TARS2: variants seen among roughly 807,000 people sequenced by gnomAD.
TARS2 encodes threonyl-tRNA synthetase 2, mitochondrial.
A neutral mutation model predicts 94.4 loss-of-function variants in TARS2; 61 were observed. The observed-to-expected ratio is 0.65, with a 90% confidence interval of 0.53 to 0.80. The LOEUF (loss-of-function observed/expected upper bound fraction) is 0.80, where lower values mean the gene tolerates loss of function less well. Ranked by LOEUF, TARS2 falls within the 30% of genes least tolerant of loss-of-function variation. The pLI, the probability that TARS2 is intolerant of heterozygous loss-of-function variation, is 0.00. For synonymous variants in TARS2, 359 were observed against 353.4 expected (o/e 1.02, Z -0.18); for missense variants, 704 against 902.5 (o/e 0.78, Z 2.82).
intron 17 of TARS2, 112 bp downstream of exon 17, chr1:150,505,817 C>A: frequency 1.1e-6 from 1 of 951,840 alleles, no homozygotes. Context: ...ATTACCTGAG[C>A]AGGTAGGAGC....
At chr1:150,504,604 C>A in intron 14 of TARS2, 28 bp from the exon 15 acceptor site, 1 of 1,605,950 alleles carries the variant, frequency 6.2e-7, no homozygotes, top group East Asian at 2.2e-5. Flanking sequence ...TCCACCATTC[C>A]ATCCACCCCC....
intron 2 of TARS2, 75 bp from the exon 3 acceptor site, chr1:150,488,889 C>T: frequency 6.4e-7 from 1 of 1,554,088 alleles, no homozygotes; most frequent in Middle Eastern, 1.7e-4. Flanking sequence ...ATATAGGAAT[C>T]AGAACATGTG....
chr1:150,502,237 T>G (rs1669956406), intron 13 of TARS2, among the ~76,000 whole-genome samples: 1 of 150,844 alleles, frequency 6.6e-6, no homozygotes. Flanking sequence ...TTTGTTTTTT[T>G]CCCCGAGACA....
At chr1:150,497,130 AC>A (rs1313222641) in intron 9 of TARS2, among the ~76,000 whole-genome samples, 2 of 152,136 alleles carry the variant, frequency 1.3e-5, no homozygotes, top group Non-Finnish European at 2.9e-5. Flanking sequence ...TAAAATAAAT[AC>A]AAAAAATTAG....
chr1:150,498,306 T>G (rs1422839120), intron 10 of TARS2, among the ~76,000 whole-genome samples, 196 bp from the exon 11 acceptor site: 4 of 152,190 alleles, frequency 2.6e-5, no homozygotes, highest in Non-Finnish European at 2.9e-5. Context: ...ATTGTGTTAC[T>G]GAGAAATCCA....
rs1322913410 is a variant in TARS2, at chr1:150,506,958, G to C, written c.2051G>C (p.Arg684Pro). 6.2e-7 allele frequency: 1 copy of C among 1,613,980 alleles called. No individual in the cohort carries two copies. Among genetic ancestry groups the C allele is most frequent in the South Asian group, 1.1e-5 (1 of 91,084 alleles). Residue 684 changes from arginine (R) to proline (P), a missense_variant, in exon 18 of 18, where the codon CGG (arginine) becomes CCG (proline). By Grantham distance (103) the Arg-to-Pro change is moderately radical. This residue lies in a region of TARS2 where 466 missense variants were observed against 609.5 expected (regional missense o/e 0.76). Transcript: ENST00000369064. ...CAAAGTAAGAGAACAGTGAACATTCGGACTCGAGATAATCGTCGCCTTGGG... is the reference window on the plus strand; with the variant it reads ...CAAAGTAAGAGAACAGTGAACATTCCGACTCGAGATAATCGTCGCCTTGGG... ...KEQSKRTVNI[R>P]TRDNRRLGEW...
rs1669733346 is a variant in TARS2 at position 150,497,795 on chromosome 1, TAGAA to T, written c.1238+51_1238+54del. 3.8e-6 allele frequency: 6 copies of T among 1,568,616 alleles called. No homozygotes were observed. The South Asian group carries it at 4.6e-5, about 12-fold the overall frequency. On this transcript the variant is annotated intron_variant, in intron 10 of 17. Coordinates refer to ENST00000369064, the MANE Select transcript of TARS2 (RefSeq NM_025150.5). Reference sequence around the variant, plus strand: ...AATCAGGTTGCTAAATATTAAATAATAGAAAGCACCTTGGGGCCGGGCACGGTGG... The same window carrying T: ...AATCAGGTTGCTAAATATTAAATAATAGCACCTTGGGGCCGGGCACGGTGG...
rs1351829195 is a variant in TARS2 at position 150,497,510 on chromosome 1, G to C, written c.1021-20G>C. 1 of 1,612,330 alleles carries C rather than the reference G, an allele frequency of 6.2e-7. No homozygotes were observed. The highest frequency in any genetic ancestry group is 1.1e-5 in the South Asian group (1 of 91,010). ...CCTTCCAGTTACTCTGACCTTCCAT[G>C]TCTGTACCCTCCTCTCCAGGCTGAG... On this transcript the variant is annotated intron_variant, in intron 9 of 17. Coordinates refer to ENST00000369064, the MANE Select transcript of TARS2 (RefSeq NM_025150.5).
chr1:150,493,697 G>A (rs114187507), intron 7 of TARS2, among the ~76,000 whole-genome samples: 2,345 of 151,110 alleles, frequency 0.016, 28 homozygotes, highest in Middle Eastern at 0.034. Context: ...AGGTTGTGGC[G>A]ATCCAAGATC....
intron 13 of TARS2, 143 bp from the exon 14 acceptor site, chr1:150,504,192 G>GT: frequency 1.4e-6 from 1 of 705,456 alleles, no homozygotes; most frequent in Non-Finnish European, 2.5e-6. Flanking sequence ...GAGGGGTAGC[G>GT]TATGATAGAG....
chr1:150,491,809 TTTTGAGACGGAGTC>T, intron 6 of TARS2, 147 bp downstream of exon 6: 1 of 858,022 alleles, frequency 1.2e-6, no homozygotes, highest in Non-Finnish European at 1.8e-6. Flanking sequence ...TTTTTTCTTT[TTTTGAGACGGAGTC>T]TTGGTCTGTC....
intron 6 of TARS2, chr1:150,492,158 G>A: frequency 2.6e-6 from 1 of 386,886 alleles, no homozygotes; most frequent in South Asian, 2.7e-5. Flanking sequence ...TAGAGACGGG[G>A]TTTCACCATA....
intron 4 of TARS2, among the ~76,000 whole-genome samples, 164 bp downstream of exon 4, chr1:150,490,889 C>T (rs1669353128): frequency 6.6e-6 from 1 of 152,008 alleles, no homozygotes; most frequent in African/African-American, 2.4e-5. Context: ...CCATGTCCCT[C>T]TTCTAACTTT....
At chr1:150,496,661 G>T in intron 8 of TARS2, 33 bp downstream of exon 8, 1 of 1,606,250 alleles carries the variant, frequency 6.2e-7, no homozygotes, top group South Asian at 1.1e-5. Context: ...GAGGGATGGT[G>T]ATAAGGGTTG....
rs748424566 is a variant in TARS2, at chr1:150,489,104, T to C, written c.387+17T>C. On this transcript the variant is annotated intron_variant, in intron 3 of 17. Coordinates refer to ENST00000369064, the MANE Select transcript of TARS2 (RefSeq NM_025150.5). ...GGGAAAGCAGTAAGTTTCTTTCTTA[T>C]CAGGAATACAGTGACTACTAAACCA... The C allele has an allele frequency of 6.2e-7, 1 of 1,614,020 alleles. No homozygotes were observed.
intron 13 of TARS2, among the ~76,000 whole-genome samples, chr1:150,503,199 T>G (rs1669998290): frequency 1.3e-5 from 2 of 152,192 alleles, no homozygotes; most frequent in Admixed American, 1.3e-4. Context: ...TGTGACATAT[T>G]GGGCAGCACT....
In TARS2 at chr1:150,496,588, G is replaced by A. The variant is rs745823501; in HGVS notation, c.881G>A (p.Arg294Lys). 6.2e-6 allele frequency: 10 copies of A among 1,613,976 alleles called. No individual in the cohort carries two copies. The highest frequency in any genetic ancestry group is 1.7e-5 in the Admixed American group (1 of 59,996). ...TELLRVWEAW[R>K]EEAELRDHRR... ...TTGCTGAGGGTCTGGGAAGCATGGA[G>A]GGAGGAAGCAGAATTGCGGGACCAC... The change falls in exon 8 of 18, where the codon AGG becomes AAG. Residue 294 changes from arginine (R) to lysine (K), a missense_variant. Physicochemically the swap from Arg to Lys is conservative, Grantham distance 26 (BLOSUM62 2). This residue lies in a region of TARS2 where 466 missense variants were observed against 609.5 expected (regional missense o/e 0.76). Transcript: ENST00000369064.
intron 13 of TARS2, among the ~76,000 whole-genome samples, chr1:150,501,334 T>TTTTTTTC (rs1553905147): frequency 1.0e-5 from 1 of 98,674 alleles, no homozygotes; most frequent in Non-Finnish European, 1.9e-5. Context: ...TTTTTTTTTA[T>TTTTTTTC]TGAGACTATG....
chr1:150,497,814 G>A (rs957039693), intron 10 of TARS2, 67 bp downstream of exon 10: 30 of 1,492,156 alleles, frequency 2.0e-5, no homozygotes, highest in Admixed American at 8.1e-5. Flanking sequence ...CCTTGGGGCC[G>A]GGCACGGTGG....
Sources: gnomAD v4.1 joint callset for allele counts (sites outside exome capture counted in the v4.1 genomes callset) on GRCh38, gnomAD v4.1.1 for gene constraint, gnomAD v4.1.1 regional missense constraint, MANE v1.5 for transcripts, NCBI Gene and HGNC (gene_info 2026-07-23, HGNC 2026-07-21) for gene names.